The following NFIB variants were observed in gnomAD, a reference collection of about 807,000 sequenced individuals.
NFIB encodes the protein nuclear factor I B, also known as nuclear factor 1 B-type.
In NFIB, 11 loss-of-function variants were observed where a neutral mutation model predicts 61.5. The ratio of observed to expected loss-of-function variants is 0.18; its 90% confidence interval spans 0.11 to 0.30. NFIB has a LOEUF of 0.30. NFIB is among the 10% of genes least tolerant of loss of function. The pLI, the probability that NFIB is intolerant of heterozygous loss-of-function variation, is 1.00. For synonymous variants in NFIB, 260 were observed against 216.5 expected (o/e 1.20, Z -1.76); for missense variants, 471 against 608.9 (o/e 0.77, Z 2.38).
chr9:14,335,211 G>A (rs1487212059), intron 1 of NFIB, among the ~76,000 whole-genome samples: 1 of 152,120 alleles, frequency 6.6e-6, no homozygotes, highest in Admixed American at 6.5e-5. Context: ...GGAATGTCTG[G>A]GCATATGGCA....
intron 1 of NFIB, among the ~76,000 whole-genome samples, chr9:14,329,907 A>G (rs928616667): frequency 4.6e-5 from 7 of 151,922 alleles, no homozygotes; most frequent in Admixed American, 3.9e-4. Context: ...GCGGATCACG[A>G]GGTCAGGAGA....
At position 14,261,244 on chromosome 9, in the gene NFIB, G is replaced by A. The variant is rs528283945; in HGVS notation, c.562+45745C>T. 2.6e-5 allele frequency among the ~76,000 whole-genome samples: 4 copies of A among 152,160 alleles called. No individual in the cohort carries two copies. In the South Asian group the frequency reaches 6.2e-4, roughly 24 times the overall value. ...AGGCAGGAGAATCACTTGAATCTGG[G>A]AGAGGGAGGGTGCAGTGAGCCGAGA... On this transcript the variant is annotated intron_variant, in intron 2 of 10. Coordinates refer to ENST00000380953, the MANE Select transcript of NFIB (RefSeq NM_001190737.2).
At chr9:14,200,912 A>G (rs2048968310) in intron 2 of NFIB, among the ~76,000 whole-genome samples, 1 of 152,182 alleles carries the variant, frequency 6.6e-6, no homozygotes, top group Non-Finnish European at 1.5e-5. Context: ...CAACCTTTGT[A>G]CACTCTTGCC....
chr9:14,307,008 T>G lies in NFIB; in HGVS notation c.543A>C (p.Ala181=), dbSNP rs1434737426. Residue 181 remains alanine, a synonymous_variant, in exon 2 of 11, where the codon GCA becomes GCC. Transcript: ENST00000380953. The surrounding 1 kb of genome is among the most constrained non-coding windows in gnomAD (Gnocchi z 5.3). ...VSVKELDLFL[A]YYVQEQDSGQ... Reference sequence around the variant, plus strand: ...TCCTACCTTGCTCCTGCACGTAGTATGCCAAAAACAAATCAAGCTCCTTAA... The same window carrying G: ...TCCTACCTTGCTCCTGCACGTAGTAGGCCAAAAACAAATCAAGCTCCTTAA... 2.5e-6 allele frequency: 4 copies of G among 1,614,038 alleles called. No homozygotes were observed. Among genetic ancestry groups the G allele is most frequent in the Non-Finnish European group, 2.5e-6 (3 of 1,180,010 alleles).
rs181353437 is a variant in NFIB at position 14,255,191 on chromosome 9, C to T, written c.562+51798G>A. 4.9e-4 allele frequency among the ~76,000 whole-genome samples: 75 copies of T among 151,888 alleles called. 2 individuals are homozygous for T. In the East Asian group the frequency reaches 0.011, roughly 23 times the overall value. On this transcript the variant is annotated intron_variant, in intron 2 of 10. Coordinates refer to ENST00000380953, the MANE Select transcript of NFIB (RefSeq NM_001190737.2). ...TGAGCTATGATCACACCACTGAACT[C>T]CAACAAGGATGACAAAGTGAAACCC...
At chr9:14,334,726 C>T (rs1203047516) in intron 1 of NFIB, among the ~76,000 whole-genome samples, 3 of 152,088 alleles carry the variant, frequency 2.0e-5, no homozygotes, top group East Asian at 3.9e-4. Flanking sequence ...ATGTTTAAAG[C>T]GTACTAATTG....
At chr9:14,179,576 A>C in intron 3 of NFIB, 151 bp downstream of exon 3, 1 of 606,428 alleles carries the variant, frequency 1.6e-6, no homozygotes, top group Admixed American at 3.2e-5. Context: ...TGCCACTGCA[A>C]AGGGCCTAAG....
At chr9:14,357,866 C>T (rs780857555) in intron 1 of NFIB, 1 of 152,126 alleles carries the variant, frequency 6.6e-6, no homozygotes, top group Admixed American at 6.5e-5. Flanking sequence ...AAATATCATG[C>T]TAAGTAAGAG....
intron 2 of NFIB, among the ~76,000 whole-genome samples, chr9:14,211,132 A>T (rs2050263564): frequency 6.6e-6 from 1 of 152,206 alleles, no homozygotes; most frequent in East Asian, 1.9e-4. Flanking sequence ...AACTTGCGGT[A>T]AAATTAAAAT....
intron 1 of NFIB, chr9:14,362,953 GAGA>G (rs1156600348): frequency 6.6e-6 from 1 of 152,084 alleles, no homozygotes; most frequent in Non-Finnish European, 1.5e-5. Flanking sequence ...AGAATTCACT[GAGA>G]AGAAGCTAAT....
intron 2 of NFIB, among the ~76,000 whole-genome samples, chr9:14,251,918 G>T (rs10435726): frequency 0.075 from 11,394 of 152,256 alleles, 604 homozygotes; most frequent in East Asian, 0.13. Context: ...GGTTTAGTAG[G>T]CAAGCCACAC....
intron 2 of NFIB, among the ~76,000 whole-genome samples, chr9:14,234,580 G>C (rs2053548664): frequency 6.6e-6 from 1 of 151,954 alleles, no homozygotes; most frequent in Non-Finnish European, 1.5e-5. Flanking sequence ...ATATTGACCA[G>C]GCTGGTCTCA....
intron 10 of NFIB, among the ~76,000 whole-genome samples, chr9:14,103,870 A>G (rs1296516219): frequency 6.6e-6 from 1 of 152,192 alleles, no homozygotes; most frequent in African/African-American, 2.4e-5. Flanking sequence ...CTCAGGATAT[A>G]TGTCATAAAG....
chr9:14,515,623 C>G, the NFIB span, among the ~76,000 whole-genome samples: 2 of 152,142 alleles, frequency 1.3e-5, no homozygotes, highest in Non-Finnish European at 2.9e-5. Context: ...GTGACAAGTT[C>G]TTGGTGTGAT....
At chr9:14,168,149 C>A (rs985866927) in intron 3 of NFIB, among the ~76,000 whole-genome samples, 1 of 152,162 alleles carries the variant, frequency 6.6e-6, no homozygotes, top group Non-Finnish European at 1.5e-5. Context: ...AGGTCAGGTT[C>A]TGAGTAAGGG....
At chr9:14,432,709 G>T in the NFIB span, among the ~76,000 whole-genome samples, 1 of 152,198 alleles carries the variant, frequency 6.6e-6, no homozygotes, top group African/African-American at 2.4e-5. Context: ...GGTGAGGACT[G>T]GGGAATTTGC....
At chr9:14,154,266 C>G (rs1225635719) in intron 4 of NFIB, among the ~76,000 whole-genome samples, 1 of 152,072 alleles carries the variant, frequency 6.6e-6, no homozygotes, top group Admixed American at 6.6e-5. Flanking sequence ...TACTGCCCTA[C>G]TCCTAAGAAG....
the NFIB span, among the ~76,000 whole-genome samples, chr9:14,457,195 T>C: frequency 2.0e-5 from 3 of 152,160 alleles, no homozygotes; most frequent in Non-Finnish European, 2.9e-5. Flanking sequence ...GCTAATAACA[T>C]TGGCTGTGGG....
the NFIB span, among the ~76,000 whole-genome samples, chr9:14,490,057 A>G: frequency 6.6e-6 from 1 of 152,198 alleles, no homozygotes; most frequent in East Asian, 1.9e-4. Context: ...AGAAGTAGAA[A>G]TGGGTCATTT....
Sources: gnomAD v4.1 joint callset for allele counts (sites outside exome capture counted in the v4.1 genomes callset) on GRCh38, gnomAD v4.1.1 for gene constraint, Gnocchi (gnomAD v3.1) non-coding constraint, MANE v1.5 for transcripts, NCBI Gene and HGNC (gene_info 2026-07-23, HGNC 2026-07-21) for gene names.